Variants in CDC25C observed in about 807,000 individuals in gnomAD.
CDC25C encodes the protein M-phase inducer phosphatase 3.
A neutral mutation model predicts 52.5 loss-of-function variants in CDC25C; 48 were observed. The observed-to-expected ratio is 0.91, with a 90% CI of 0.72 to 1.16. The LOEUF is 1.16. Ranked by LOEUF, CDC25C falls within the 50% of genes most tolerant of loss-of-function variation. CDC25C has a pLI of 0.00. For missense variants in CDC25C, 510 were observed against 566.1 expected, an observed-to-expected ratio of 0.90 and a Z score of 1.01; for synonymous variants, 187 against 206.5, an observed-to-expected ratio of 0.91 and a Z score of 0.81.
At chr5:138,307,801 C>A (rs947300496) in intron 7 of CDC25C, among the ~76,000 whole-genome samples, 1 of 152,126 alleles carries the variant, frequency 6.6e-6, no homozygotes, top group African/African-American at 2.4e-5. Flanking sequence ...CTATGCCACT[C>A]TTCCACCTAA....
intron 7 of CDC25C, among the ~76,000 whole-genome samples, chr5:138,304,164 C>G (rs927522242): frequency 6.6e-6 from 1 of 151,846 alleles, no homozygotes; most frequent in Admixed American, 6.6e-5. Context: ...ATCTATGTAT[C>G]TTTTTACTTT....
chr5:138,337,956 C>T, exon 1 of CDC25C: 1 of 1,289,392 alleles, frequency 7.8e-7, no homozygotes, highest in Non-Finnish European at 1.0e-6. Context: ...CTTTGTTTAC[C>T]TTCTTCCGAC....
chr5:138,291,257 A>G (rs1390455329), intron 8 of CDC25C, among the ~76,000 whole-genome samples: 1 of 151,936 alleles, frequency 6.6e-6, no homozygotes, highest in African/African-American at 2.4e-5. Context: ...ACAAAGGCTA[A>G]GTTTTTCAGA....
chr5:138,327,708 T>C (rs2126834172), intron 4 of CDC25C, among the ~76,000 whole-genome samples: 1 of 152,178 alleles, frequency 6.6e-6, no homozygotes, highest in Non-Finnish European at 1.5e-5. Context: ...CTCCTTACAA[T>C]AGCTACTTTA....
intron 7 of CDC25C, among the ~76,000 whole-genome samples, chr5:138,314,611 T>G (rs1160956116): frequency 1.4e-5 from 2 of 146,812 alleles, no homozygotes; most frequent in Admixed American, 6.8e-5. Flanking sequence ...CACTTTTTTT[T>G]TTTTTTTTTT....
chr5:138,305,756 C>T (rs1757959642), intron 7 of CDC25C, among the ~76,000 whole-genome samples: 2 of 152,214 alleles, frequency 1.3e-5, no homozygotes, highest in African/African-American at 2.4e-5. Context: ...GGCTGCCTAA[C>T]ATACTGTTTC....
chr5:138,291,857 G>C (rs1756747645), intron 8 of CDC25C, 113 bp downstream of exon 8: 1 of 744,734 alleles, frequency 1.3e-6, no homozygotes, highest in Admixed American at 2.9e-5. Context: ...AGAGGAAAAA[G>C]TAAAAGTAAA....
At chr5:138,286,699 C>A in intron 11 of CDC25C, 69 bp from the exon 12 acceptor site, 1 of 1,429,596 alleles carries the variant, frequency 7.0e-7, no homozygotes. Flanking sequence ...TTAGAAATGA[C>A]TGAGACGCCA....
intron 10 of CDC25C, among the ~76,000 whole-genome samples, chr5:138,288,294 C>T (rs993141390): frequency 2.0e-5 from 3 of 152,116 alleles, no homozygotes; most frequent in African/African-American, 4.8e-5. Flanking sequence ...AGACTCGTCT[C>T]GAACTCCCAA....
Position 138,329,633 on chromosome 5 carries a change from C to G in CDC25C, c.209G>C (p.Arg70Pro), listed in dbSNP as rs758267553. The G allele has an allele frequency of 5.0e-6, 8 of 1,606,090 alleles. No individual in the cohort carries two copies. The highest frequency in any genetic ancestry group is 1.7e-5 in the Admixed American group (1 of 59,742). Residue 70 changes from arginine (R) to proline (P), a missense_variant, in exon 3 of 14, where the codon CGT becomes CCT. Physicochemically the swap from Arg to Pro is moderately radical, Grantham distance 103 (BLOSUM62 -2). Transcript: ENST00000323760. The stretch of plus-strand genomic sequence containing the variant: ...GCTAAGATTCGAAAGATCGAGGCAA[C>G]GTTTTGGGGTTCCTCTGTTGAGACA... ...LSILSGGTPK[R>P]CLDLSNLSSG...
At chr5:138,325,461 A>T (rs1407760957) in intron 6 of CDC25C, among the ~76,000 whole-genome samples, 1 of 152,208 alleles carries the variant, frequency 6.6e-6, no homozygotes, top group Non-Finnish European at 1.5e-5. Flanking sequence ...TGGTAAAAAA[A>T]AATCCATGAA....
chr5:138,293,903 T>G (rs1183213812), intron 7 of CDC25C, among the ~76,000 whole-genome samples: 1 of 152,134 alleles, frequency 6.6e-6, no homozygotes, highest in Non-Finnish European at 1.5e-5. Flanking sequence ...CGCCTTGGCC[T>G]ACCAAAGTGC....
intron 7 of CDC25C, among the ~76,000 whole-genome samples, chr5:138,297,059 C>T (rs944404789): frequency 3.3e-5 from 5 of 150,684 alleles, no homozygotes; most frequent in South Asian, 2.1e-4. Context: ...TACAGGCATC[C>T]GCCACCACGC....
At chr5:138,298,971 T>A (rs1181360828) in intron 7 of CDC25C, among the ~76,000 whole-genome samples, 1 of 141,916 alleles carries the variant, frequency 7.0e-6, no homozygotes, top group African/African-American at 2.6e-5. Flanking sequence ...GGCGGGCGGA[T>A]CACCTGGGGT....
chr5:138,317,696 A>C (rs1264908043), intron 7 of CDC25C, among the ~76,000 whole-genome samples: 1 of 150,604 alleles, frequency 6.6e-6, no homozygotes, highest in Non-Finnish European at 1.5e-5. Context: ...AAAAAAAAAA[A>C]AAAAAAAAAA....
chr5:138,294,209 TG>T (rs1756994597), intron 7 of CDC25C, among the ~76,000 whole-genome samples: 1 of 150,906 alleles, frequency 6.6e-6, no homozygotes. Context: ...TTTTTTTTTT[TG>T]AGATGGAGTC....
intron 7 of CDC25C, among the ~76,000 whole-genome samples, chr5:138,311,141 A>G (rs1758419799): frequency 3.3e-5 from 5 of 152,302 alleles, no homozygotes; most frequent in Admixed American, 2.6e-4. Context: ...CCCACCAGCA[A>G]TGCACAAGGG....
At chr5:138,316,376 AAG>A (rs1758873184) in intron 7 of CDC25C, among the ~76,000 whole-genome samples, 1 of 152,056 alleles carries the variant, frequency 6.6e-6, no homozygotes, top group African/African-American at 2.4e-5. Context: ...GGAGAAGCAA[AAG>A]AGGGGAAGCC....
chr5:138,338,180 G>T lies in CDC25C; in HGVS notation c.-212C>A, dbSNP rs1200563842. 3.1e-6 allele frequency: 4 copies of T among 1,289,112 alleles called. No homozygotes were observed. In the African/African-American group the frequency reaches 4.5e-5, roughly 15 times the overall value. 79.9% of individuals were successfully genotyped at this position (1,289,112 alleles called of 1,614,324 possible). ...TGGGTGGCTTGGGGGGATTCTGCGA[G>T]CCGGAGCTGTCCCCCTACTCTCCTC... is the stretch of plus-strand genomic sequence containing the variant. On this transcript the variant is annotated 5_prime_UTR_variant, in exon 1 of 6. Coordinates refer to the CDC25C transcript ENST00000510119.
Sources: allele counts gnomAD v4.1 joint callset (sites outside exome capture counted in the v4.1 genomes callset), GRCh38; gene constraint gnomAD v4.1.1; transcripts MANE v1.5; gene names NCBI Gene and HGNC (gene_info 2026-07-23, HGNC 2026-07-21).